DTWD2: variants seen among roughly 807,000 people sequenced by gnomAD.
DTWD2 encodes the protein tRNA-uridine aminocarboxypropyltransferase 2.
Under a neutral mutation model 31.8 loss-of-function variants are expected in DTWD2, and 39 were observed. That is an observed-to-expected ratio of 1.22 (90% CI 0.95 to 1.60). The LOEUF (loss-of-function observed/expected upper bound fraction) is 1.60. DTWD2 is among the 40% of genes most tolerant of loss of function. The pLI, the probability that DTWD2 is intolerant of heterozygous loss-of-function variation, is 0.00. For missense variants in DTWD2, 515 were observed against 381.5 expected (o/e 1.35, Z -2.92); for synonymous variants, 180 against 142.8 (o/e 1.26, Z -1.86).
intron 4 of DTWD2, among the ~76,000 whole-genome samples, chr5:118,850,046 T>A (rs1315116498): frequency 6.0e-5 from 9 of 150,570 alleles, no homozygotes; most frequent in East Asian, 2.0e-4. Context: ...TGAAAAAAAA[T>A]AAAATAAAAT....
chr5:118,868,007 TTC>T (rs1463461784), intron 4 of DTWD2, among the ~76,000 whole-genome samples: 3 of 152,156 alleles, frequency 2.0e-5, no homozygotes, highest in Non-Finnish European at 4.4e-5. Context: ...ATCCCATACT[TTC>T]TGATTTCACA....
intron 1 of DTWD2, among the ~76,000 whole-genome samples, chr5:118,954,724 T>G (rs1248444816): frequency 6.6e-6 from 1 of 152,124 alleles, no homozygotes; most frequent in African/African-American, 2.4e-5. Flanking sequence ...TTTTTTTTTG[T>G]AGAGGTGAAG....
In DTWD2 at chr5:118,840,604, T is replaced by C. The variant is rs1404337966; in HGVS notation, c.*313A>G. 1 of 188,404 alleles carries C rather than the reference T, an allele frequency of 5.3e-6. No individual in the cohort carries two copies. Among genetic ancestry groups the C allele is most frequent in the Non-Finnish European group, 1.1e-5 (1 of 92,586 alleles). 11.7% of individuals were successfully genotyped at this position (188,404 alleles called of 1,614,324 possible). On this transcript the variant is annotated 3_prime_UTR_variant, in exon 6 of 6. Coordinates refer to ENST00000510708, the MANE Select transcript of DTWD2 (RefSeq NM_173666.4). ...CCGTTCCAATCCACTACAACAATTTTCTTCTATTTTACAAGTAAGAACTTC... is the reference window on the plus strand; with the variant it reads ...CCGTTCCAATCCACTACAACAATTTCCTTCTATTTTACAAGTAAGAACTTC...
chr5:118,918,848 A>G (rs1230932824), intron 4 of DTWD2, among the ~76,000 whole-genome samples: 1 of 151,906 alleles, frequency 6.6e-6, no homozygotes, highest in Admixed American at 6.6e-5. Context: ...AAAAAAGAAA[A>G]GGAATGTGAC....
At chr5:118,897,217 C>G (rs1753103397) in intron 4 of DTWD2, among the ~76,000 whole-genome samples, 1 of 152,140 alleles carries the variant, frequency 6.6e-6, no homozygotes, top group Admixed American at 6.5e-5. Context: ...TCAGAGGAAA[C>G]CAGGCACAAG....
chr5:118,944,517 A>C (rs1301499731), intron 2 of DTWD2, 42 bp downstream of exon 2: 1 of 1,563,744 alleles, frequency 6.4e-7, no homozygotes. Flanking sequence ...CCTCTTGTGG[A>C]CTCATATTCT....
At chr5:118,944,686 T>C in intron 1 of DTWD2, 37 bp from the exon 2 acceptor site, 1 of 1,593,338 alleles carries the variant, frequency 6.3e-7, no homozygotes, top group Non-Finnish European at 8.6e-7. Flanking sequence ...TGGTAAATTT[T>C]AAAAATACAA....
At chr5:118,920,729 TA>T (rs1753684570) in intron 4 of DTWD2, among the ~76,000 whole-genome samples, 1 of 152,250 alleles carries the variant, frequency 6.6e-6, no homozygotes, top group African/African-American at 2.4e-5. Context: ...GGATACTACT[TA>T]GAAATATTAC....
At chr5:118,899,682 C>A (rs182529592) in intron 4 of DTWD2, among the ~76,000 whole-genome samples, 18 of 152,190 alleles carry the variant, frequency 1.2e-4, no homozygotes. Flanking sequence ...CCATTCCTGT[C>A]ATTATGCCCT....
At chr5:118,964,772 C>G (rs927291601) in intron 1 of DTWD2, among the ~76,000 whole-genome samples, 1 of 152,144 alleles carries the variant, frequency 6.6e-6, no homozygotes, top group Non-Finnish European at 1.5e-5. Flanking sequence ...AGTGCAGTGG[C>G]GTGATCTCGG....
intron 4 of DTWD2, among the ~76,000 whole-genome samples, chr5:118,913,055 T>A (rs929216382): frequency 2.6e-5 from 4 of 152,206 alleles, no homozygotes; most frequent in Non-Finnish European, 5.9e-5. Context: ...CACTTATGCC[T>A]AGCGTTCCAT....
intron 4 of DTWD2, among the ~76,000 whole-genome samples, chr5:118,916,009 A>G (rs1753567963): frequency 6.6e-6 from 1 of 152,242 alleles, no homozygotes; most frequent in South Asian, 2.1e-4. Context: ...TAAATTCCCA[A>G]TAAGGGATTG....
intron 1 of DTWD2, among the ~76,000 whole-genome samples, chr5:118,948,172 T>A (rs1184872225): frequency 2.0e-5 from 3 of 152,140 alleles, no homozygotes; most frequent in Non-Finnish European, 4.4e-5. Flanking sequence ...CTGGTGGAAC[T>A]GCCATTAATA....
At chr5:118,864,505 C>T (rs1469330971) in intron 4 of DTWD2, among the ~76,000 whole-genome samples, 2 of 144,320 alleles carry the variant, frequency 1.4e-5, no homozygotes, top group African/African-American at 2.6e-5. Context: ...ACATTGTGCA[C>T]ATGTACCCTA....
At chr5:118,973,681 C>T (rs1330790406) in intron 1 of DTWD2, 14 of 1,236,222 alleles carry the variant, frequency 1.1e-5, no homozygotes, top group South Asian at 3.8e-5. Flanking sequence ...TCGCCGCAGC[C>T]GCCTCCGCCA....
intron 1 of DTWD2, among the ~76,000 whole-genome samples, chr5:118,958,183 G>A (rs776280187): frequency 2.6e-5 from 4 of 151,978 alleles, no homozygotes; most frequent in Admixed American, 6.6e-5. Flanking sequence ...GGCCAGGCGC[G>A]GTGGCTCACA....
chr5:118,936,094 T>C (rs1308389740), intron 3 of DTWD2, among the ~76,000 whole-genome samples: 2 of 152,158 alleles, frequency 1.3e-5, no homozygotes, highest in African/African-American at 4.8e-5. Context: ...CATCTAAAAC[T>C]TCCCCAAATA....
chr5:118,874,339 T>C (rs775063008), intron 4 of DTWD2, among the ~76,000 whole-genome samples: 42 of 152,180 alleles, frequency 2.8e-4, no homozygotes, highest in Non-Finnish European at 3.4e-4. Flanking sequence ...CAACAATGGT[T>C]TGGAACCAGG....
At chr5:118,890,820 C>T (rs1752963087) in intron 4 of DTWD2, among the ~76,000 whole-genome samples, 3 of 152,122 alleles carry the variant, frequency 2.0e-5, no homozygotes, top group Non-Finnish European at 2.9e-5. Flanking sequence ...CCACCCACCT[C>T]GACCTCCCAA....
Sources: gnomAD v4.1 joint callset for allele counts (sites outside exome capture counted in the v4.1 genomes callset) on GRCh38, gnomAD v4.1.1 for gene constraint, MANE v1.5 for transcripts, NCBI Gene and HGNC (gene_info 2026-07-23, HGNC 2026-07-21) for gene names.